Variants in NALF1 observed in about 807,000 individuals in gnomAD.
NALF1 encodes the protein family with sequence similarity 155 member A.
Under a neutral mutation model 48.4 loss-of-function variants are expected in NALF1, and 3 were observed. The ratio of observed to expected loss-of-function variants is 0.06; its 90% confidence interval spans 0.03 to 0.16. The LOEUF (loss-of-function observed/expected upper bound fraction) is 0.16, where lower values mean the gene tolerates loss of function less well. Ranked by LOEUF, NALF1 falls within the 10% of genes least tolerant of loss-of-function variation. The pLI, the probability that NALF1 is intolerant of heterozygous loss-of-function variation, is 1.00. For missense variants in NALF1, 526 were observed against 571.5 expected (o/e 0.92, Z 0.81); for synonymous variants, 262 against 245.7 (o/e 1.07, Z -0.62).
intron 1 of NALF1, among the ~76,000 whole-genome samples, chr13:107,341,048 C>T (rs1415404209): frequency 6.6e-6 from 1 of 151,858 alleles, no homozygotes; most frequent in Admixed American, 6.6e-5. Context: ...CCCCCCACCG[C>T]CCCCGCCGCC....
At chr13:107,226,143 C>T (rs931524784) in intron 1 of NALF1, among the ~76,000 whole-genome samples, 3 of 152,068 alleles carry the variant, frequency 2.0e-5, no homozygotes, top group African/African-American at 7.2e-5. Context: ...TTTAAACACA[C>T]ACCACTACCT....
At chr13:107,562,334 G>T (rs910625343) in intron 1 of NALF1, among the ~76,000 whole-genome samples, 2 of 152,160 alleles carry the variant, frequency 1.3e-5, no homozygotes, top group Non-Finnish European at 2.9e-5. Context: ...AGTCAAAGGC[G>T]TGCTTGTAAT....
chr13:107,782,867 G>A lies in NALF1; in HGVS notation c.915+82815C>T, dbSNP rs1489350503. On this transcript the variant is annotated intron_variant, in intron 1 of 2. Coordinates refer to ENST00000375915, the MANE Select transcript of NALF1 (RefSeq NM_001080396.3). ...AGACCCTCCGCCCGGCAGCCGCCCC[G>A]TCTGGGAAGTGAGGAGCGTCTCCGC... Among the ~76,000 whole-genome samples the A allele has an allele frequency of 6.0e-4, 91 of 150,822 alleles. 1 individual carries two copies. The highest frequency in any genetic ancestry group is 3.4e-3 in the Middle Eastern group (1 of 290).
At chr13:107,236,024 T>C (rs1880334769) in intron 1 of NALF1, among the ~76,000 whole-genome samples, 4 of 152,108 alleles carry the variant, frequency 2.6e-5, no homozygotes, top group Admixed American at 2.6e-4. Flanking sequence ...AGCACAAATG[T>C]CATAGATGAG....
At chr13:107,626,738 C>G (rs570444068) in intron 1 of NALF1, among the ~76,000 whole-genome samples, 86 of 152,020 alleles carry the variant, frequency 5.7e-4, no homozygotes, top group African/African-American at 2.0e-3. Context: ...AAAAGTGGAT[C>G]TCATGGAGGT....
intron 1 of NALF1, among the ~76,000 whole-genome samples, chr13:107,619,683 T>C (rs1879471766): frequency 6.6e-6 from 1 of 152,202 alleles, no homozygotes; most frequent in East Asian, 1.9e-4. Context: ...CTATTCAAAC[T>C]GGAGGTACTT....
intron 1 of NALF1, among the ~76,000 whole-genome samples, chr13:107,576,849 T>C (rs184365860): frequency 6.1e-4 from 93 of 152,282 alleles, no homozygotes; most frequent in African/African-American, 1.9e-3. Flanking sequence ...CAGTGTAGGA[T>C]TGACTTACCA....
intron 1 of NALF1, among the ~76,000 whole-genome samples, chr13:107,288,766 A>G (rs1360572939): frequency 6.8e-6 from 1 of 147,092 alleles, no homozygotes; most frequent in African/African-American, 2.5e-5. Context: ...GTCCTGACCT[A>G]TGGTGATCCA....
At chr13:107,531,901 T>C (rs1876651379) in intron 1 of NALF1, among the ~76,000 whole-genome samples, 1 of 152,162 alleles carries the variant, frequency 6.6e-6, no homozygotes, top group African/African-American at 2.4e-5. Context: ...GCTTATAAAC[T>C]TCTCTGCCAT....
chr13:107,323,597 AC>A lies in NALF1; in HGVS notation c.916-112843del, dbSNP rs530565594. On this transcript the variant is annotated intron_variant, in intron 1 of 2. Transcript: ENST00000375915. ...TCCAATGACTCCTAATTACTCACTT[AC>A]CCCCAATCAGACTGTGAGGGATGAA... 4.9e-4 allele frequency among the ~76,000 whole-genome samples: 74 copies of A among 151,674 alleles called. 1 individual carries two copies. The South Asian group carries it at 0.01, about 21-fold the overall frequency.
At chr13:107,678,808 A>G (rs1004800076) in intron 1 of NALF1, among the ~76,000 whole-genome samples, 1 of 152,232 alleles carries the variant, frequency 6.6e-6, no homozygotes, top group Non-Finnish European at 1.5e-5. Flanking sequence ...CACTATCACG[A>G]GAACAGCATA....
At chr13:107,195,935 C>T (rs549227142) in intron 2 of NALF1, among the ~76,000 whole-genome samples, 2 of 152,114 alleles carry the variant, frequency 1.3e-5, no homozygotes, top group Admixed American at 1.3e-4. Flanking sequence ...ATGAAGAAAA[C>T]GTGGTACATA....
chr13:107,629,361 TA>T (rs1418259939), intron 1 of NALF1, among the ~76,000 whole-genome samples: 2 of 152,190 alleles, frequency 1.3e-5, no homozygotes, highest in African/African-American at 4.8e-5. Context: ...TTTAAATACC[TA>T]TAAAGAATGT....
intron 1 of NALF1, among the ~76,000 whole-genome samples, chr13:107,681,217 G>A (rs1445069705): frequency 1.3e-5 from 2 of 152,132 alleles, no homozygotes; most frequent in African/African-American, 4.8e-5. Context: ...TTGAAGCCAT[G>A]TGTCTTTATC....
chr13:107,433,851 C>T (rs1241544474), intron 1 of NALF1, among the ~76,000 whole-genome samples: 1 of 152,108 alleles, frequency 6.6e-6, no homozygotes, highest in Non-Finnish European at 1.5e-5. Flanking sequence ...TCTCAAGAAA[C>T]ACACAAGCAG....
At chr13:107,308,616 G>T (rs943192978) in intron 1 of NALF1, among the ~76,000 whole-genome samples, 4 of 152,088 alleles carry the variant, frequency 2.6e-5, no homozygotes, top group Non-Finnish European at 5.9e-5. Context: ...ATTACAAATA[G>T]ACTGTCTATG....
At chr13:107,449,307 TG>T (rs1380439123) in intron 1 of NALF1, among the ~76,000 whole-genome samples, 6 of 151,894 alleles carry the variant, frequency 4.0e-5, no homozygotes, top group Middle Eastern at 3.4e-3. Context: ...GGGGATGTCT[TG>T]GGTGGAGTGT....
intron 1 of NALF1, among the ~76,000 whole-genome samples, chr13:107,769,018 A>C (rs1594254275): frequency 1.3e-5 from 2 of 151,050 alleles, no homozygotes; most frequent in African/African-American, 4.9e-5. Flanking sequence ...TAGAATGGCA[A>C]TCATTAAAAA....
chr13:107,335,980 G>A (rs115289000), intron 1 of NALF1, among the ~76,000 whole-genome samples: 13 of 151,702 alleles, frequency 8.6e-5, no homozygotes, highest in South Asian at 2.1e-4. Flanking sequence ...AAGCTAGTAC[G>A]TCAGGGAACT....
Sources: gnomAD v4.1 joint callset for allele counts (sites outside exome capture counted in the v4.1 genomes callset) on GRCh38, gnomAD v4.1.1 for gene constraint, MANE v1.5 for transcripts, NCBI Gene and HGNC (gene_info 2026-07-23, HGNC 2026-07-21) for gene names.